Variants in FAM3D observed in about 807,000 individuals in gnomAD.
The protein encoded by FAM3D is FAM3 metabolism regulating signaling molecule D.
In FAM3D, 26 loss-of-function variants were observed where a neutral mutation model predicts 29.8. The ratio of observed to expected loss-of-function variants is 0.87; its 90% CI spans 0.64 to 1.21. The LOEUF is 1.21. Among genes scored for constraint, FAM3D ranks in the 50% most tolerant of loss-of-function variants. FAM3D has a pLI of 0.00. For synonymous variants in FAM3D, 115 were observed against 102.3 expected, an observed-to-expected ratio of 1.12 and a Z score of -0.75; for missense variants, 253 against 290.9, an observed-to-expected ratio of 0.87 and a Z score of 0.95.
intron 1 of FAM3D, 93 bp from the exon 2 acceptor site, chr3:58,655,694 A>G (rs944143514): frequency 1.5e-4 from 159 of 1,041,160 alleles, no homozygotes; most frequent in Non-Finnish European, 2.1e-4. Flanking sequence ...AACTGTGGAG[A>G]TCATAATTCT....
chr3:58,650,637 A>G (rs1460681730), intron 3 of FAM3D, among the ~76,000 whole-genome samples: 1 of 152,206 alleles, frequency 6.6e-6, no homozygotes, highest in Non-Finnish European at 1.5e-5. Context: ...TGAAGCCACA[A>G]GATGCCCATA....
rs574148266 is a variant in FAM3D at position 58,647,009 on chromosome 3, C to T, written c.146-1383G>A. ...AGGGGCACAACCCACTGGTGCCAGG[C>T]TTGGTGAGCACCTTTGAGTAGGTAA... On this transcript the variant is annotated intron_variant, in intron 4 of 9. Coordinates refer to ENST00000358781, the MANE Select transcript of FAM3D (RefSeq NM_138805.3). 3.3e-5 allele frequency among the ~76,000 whole-genome samples: 5 copies of T among 152,244 alleles called. No individual in the cohort carries two copies. The East Asian group carries it at 9.7e-4, about 30-fold the overall frequency.
intron 7 of FAM3D, 86 bp from the exon 8 acceptor site, chr3:58,637,311 G>A (rs1261357563): frequency 1.6e-6 from 2 of 1,264,234 alleles, no homozygotes; most frequent in African/African-American, 3.0e-5. Flanking sequence ...CATGATGCAG[G>A]AGTCAGCTAG....
At chr3:58,652,401 TCCAC>T (rs369384714) in intron 3 of FAM3D, among the ~76,000 whole-genome samples, 20 of 152,076 alleles carry the variant, frequency 1.3e-4, no homozygotes, top group South Asian at 6.2e-4. Flanking sequence ...CATTCATCTA[TCCAC>T]CCACCCACCC....
intron 1 of FAM3D, among the ~76,000 whole-genome samples, chr3:58,659,350 A>G (rs1394959910): frequency 6.6e-6 from 1 of 152,134 alleles, no homozygotes; most frequent in Non-Finnish European, 1.5e-5. Flanking sequence ...TAAAGGCCCT[A>G]CAGGAGCCGG....
intron 1 of FAM3D, among the ~76,000 whole-genome samples, chr3:58,664,654 G>A (rs541058935): frequency 6.6e-5 from 10 of 152,362 alleles, no homozygotes; most frequent in African/African-American, 2.4e-4. Flanking sequence ...CTTGCCTAAG[G>A]TCACATGGTT....
rs1367650327 is a variant in FAM3D, at chr3:58,653,797, A to G, written c.14-16T>C. The G allele has an allele frequency of 6.2e-7, 1 of 1,605,854 alleles. No homozygotes were observed. The highest frequency in any genetic ancestry group is 2.2e-5 in the East Asian group (1 of 44,846). On this transcript the variant is annotated splice_polypyrimidine_tract_variant and intron_variant, in intron 2 of 9. Transcript: ENST00000358781. ...CGAAGCACACCTGCTGAGCAAGGGG[A>G]TGCTGCCAGGAGACCACAGAGCCAA...
Position 58,653,782 on chromosome 3 carries a change from CTGCTGAGCAAGGGGA to C in FAM3D, c.14-16_14-2del. The stretch of plus-strand genomic sequence containing the variant: ...ATGAGGGCCAGGAGGCGAAGCACAC[CTGCTGAGCAAGGGGA>C]TGCTGCCAGGAGACCACAGAGCCAA... On this transcript the variant is annotated splice_acceptor_variant and splice_polypyrimidine_tract_variant and intron_variant, in intron 2 of 9. Coordinates refer to ENST00000358781, the MANE Select transcript of FAM3D (RefSeq NM_138805.3). LOFTEE classifies it high-confidence loss of function. 6.2e-7 allele frequency: 1 copy of C among 1,612,784 alleles called. No individual in the cohort carries two copies. Among genetic ancestry groups the C allele is most frequent in the Admixed American group, 1.7e-5 (1 of 60,000 alleles).
chr3:58,660,081 G>A (rs963058435), intron 1 of FAM3D, among the ~76,000 whole-genome samples: 1 of 152,194 alleles, frequency 6.6e-6, no homozygotes, highest in Non-Finnish European at 1.5e-5. Flanking sequence ...GCGGGAGATG[G>A]AAACTCTACA....
chr3:58,658,048 G>A (rs1374462124), intron 1 of FAM3D, among the ~76,000 whole-genome samples: 1 of 152,286 alleles, frequency 6.6e-6, no homozygotes, highest in East Asian at 1.9e-4. Context: ...CTGGGGACAA[G>A]GTGGGGTTGG....
At chr3:58,645,093 A>G (rs540155197) in intron 5 of FAM3D, among the ~76,000 whole-genome samples, 3 of 152,164 alleles carry the variant, frequency 2.0e-5, no homozygotes, top group African/African-American at 7.2e-5. Flanking sequence ...GGTGCCTGCT[A>G]TATCTGGGCT....
At chr3:58,645,448 T>C (rs2106799355) in intron 5 of FAM3D, 61 bp downstream of exon 5, 1 of 1,268,676 alleles carries the variant, frequency 7.9e-7, no homozygotes, top group East Asian at 2.6e-5. Flanking sequence ...AGTTTTTTAA[T>C]GAATGAATGA....
intron 1 of FAM3D, among the ~76,000 whole-genome samples, chr3:58,663,857 T>G (rs1490083021): frequency 6.6e-6 from 1 of 152,184 alleles, no homozygotes; most frequent in East Asian, 1.9e-4. Flanking sequence ...AGCTCCCAGC[T>G]CCCAGCTCCA....
At chr3:58,644,008 G>A (rs998943573) in intron 5 of FAM3D, among the ~76,000 whole-genome samples, 11 of 152,210 alleles carry the variant, frequency 7.2e-5, no homozygotes, top group African/African-American at 1.9e-4. Flanking sequence ...CCCCCAGGCC[G>A]TGAGGCCTGG....
chr3:58,648,777 G>T (rs2364304), intron 4 of FAM3D, among the ~76,000 whole-genome samples: 87,693 of 152,006 alleles, frequency 0.58, 27,242 homozygotes, highest in Admixed American at 0.68. Context: ...CTTGCAGGGG[G>T]TGCCCCTCCT....
intron 5 of FAM3D, among the ~76,000 whole-genome samples, chr3:58,645,305 A>C (rs2066443962): frequency 6.6e-6 from 1 of 152,160 alleles, no homozygotes; most frequent in South Asian, 2.1e-4. Flanking sequence ...AATGAATGAG[A>C]GATGCTGTGA....
chr3:58,650,870 A>C (rs1171124743), intron 3 of FAM3D, among the ~76,000 whole-genome samples: 1 of 152,114 alleles, frequency 6.6e-6, no homozygotes, highest in African/African-American at 2.4e-5. Context: ...GGCGCCCGCC[A>C]CCACGCCCGG....
chr3:58,653,720 G>A lies in FAM3D; in HGVS notation c.75C>T (p.Ser25=). The part of the protein sequence containing the change: ...AIVTTWMFIR[S]YMSFSMKTIR... ...TGGTTTTCATGCTGAAGCTCATGTA[G>A]CTTCGAATAAACATCCATGTCGTGA... is the stretch of plus-strand genomic sequence containing the variant. The change falls in exon 3 of 10, where the codon AGC becomes AGT. Residue 25 remains serine (S), a synonymous_variant. Transcript: ENST00000358781. 6.2e-7 allele frequency: 1 copy of A among 1,614,088 alleles called. No homozygotes were observed. The highest frequency in any genetic ancestry group is 8.5e-7 in the Non-Finnish European group (1 of 1,180,054).
intron 1 of FAM3D, among the ~76,000 whole-genome samples, chr3:58,663,061 G>C (rs532471397): frequency 1.3e-5 from 2 of 152,210 alleles, no homozygotes; most frequent in Non-Finnish European, 2.9e-5. Context: ...CCCATGCCCA[G>C]CTAATTATTG....
Sources: gnomAD v4.1 joint callset for allele counts (sites outside exome capture counted in the v4.1 genomes callset) on GRCh38, gnomAD v4.1.1 for gene constraint, MANE v1.5 for transcripts, NCBI Gene and HGNC (gene_info 2026-07-23, HGNC 2026-07-21) for gene names.